The following ANXA6 variants were observed in gnomAD, a reference collection of about 807,000 sequenced individuals.
ANXA6 encodes the protein 67 kDa calelectrin.
A neutral mutation model predicts 95.4 loss-of-function variants in ANXA6; 71 were observed. That is an observed-to-expected ratio of 0.74 (90% CI 0.61 to 0.91). The LOEUF is 0.91. Ranked by LOEUF, ANXA6 falls within the 40% of genes least tolerant of loss-of-function variation. The pLI, the probability that ANXA6 is intolerant of heterozygous loss-of-function variation, is 0.00. For missense variants in ANXA6, 830 were observed against 876.4 expected (o/e 0.95, Z 0.67); for synonymous variants, 289 against 315.9 (o/e 0.91, Z 0.90).
chr5:151,151,351 A>T (rs1042284613), intron 1 of ANXA6: 1 of 152,212 alleles, frequency 6.6e-6, no homozygotes, highest in Non-Finnish European at 1.5e-5. Flanking sequence ...AAGGGCCCTT[A>T]ATAATCCATG....
At position 151,101,077 on chromosome 5, in the gene ANXA6, C is replaced by G; in HGVS notation, c.*371G>C. ...ATTCAACTGGCCCCTGCCACCAACC[C>G]CCTCATTCAAAGTACAGACACTACT... On this transcript the variant is annotated 3_prime_UTR_variant, in exon 26 of 26. Transcript: ENST00000354546. The G allele has an allele frequency of 2.1e-6, 1 of 484,978 alleles. No individual in the cohort carries two copies. Among genetic ancestry groups the G allele is most frequent in the Admixed American group, 2.3e-5 (1 of 43,182 alleles). The allele number at this position is 484,978 out of a possible 1,614,324, so 30.0% of individuals were successfully genotyped here. A position where few individuals can be genotyped will look rare whatever the true frequency, so the allele number is the denominator to read the frequency against.
chr5:151,113,961 C>T (rs958666120), intron 20 of ANXA6, among the ~76,000 whole-genome samples: 3 of 152,196 alleles, frequency 2.0e-5, no homozygotes, highest in Non-Finnish European at 2.9e-5. Flanking sequence ...ACGGATGACC[C>T]GTGAAAACAC....
At position 151,101,340 on chromosome 5, in the gene ANXA6, C is replaced by CCCCCCCCCCCCCCT; in HGVS notation, c.*107_*108insAGGGGGGGGGGGGG. On this transcript the variant is annotated 3_prime_UTR_variant, in exon 26 of 26. Transcript: ENST00000354546. The stretch of plus-strand genomic sequence containing the variant: ...TAAGAGCCCAACCCAACCCCTCCCC[C>CCCCCCCCCCCCCCT]CACCCCTGCCCCTTCCTTAGTCTCT... 1 of 384,246 alleles carries CCCCCCCCCCCCCCT rather than the reference C, an allele frequency of 2.6e-6. No individual in the cohort carries two copies. The allele number at this position is 384,246 out of a possible 1,614,324, so 23.8% of individuals were successfully genotyped here.
chr5:151,120,376 T>C (rs1176791515), intron 17 of ANXA6, among the ~76,000 whole-genome samples: 1 of 148,228 alleles, frequency 6.7e-6, no homozygotes, highest in Non-Finnish European at 1.5e-5. Flanking sequence ...AGACACCTAT[T>C]ATGTGCTAGC....
chr5:151,129,679 T>C, intron 11 of ANXA6, 150 bp from the exon 12 acceptor site: 1 of 846,416 alleles, frequency 1.2e-6, no homozygotes, highest in Non-Finnish European at 1.8e-6. Flanking sequence ...TGAAGCTCTC[T>C]CTATGCTCCT....
Position 151,150,117 on chromosome 5 carries a change from C to CA in ANXA6, c.-25-2192dup, listed in dbSNP as rs1180783863. Among the ~76,000 whole-genome samples, 683 of 103,228 alleles carry CA rather than the reference C, an allele frequency of 6.6e-3. 1 individual carries two copies. The highest frequency in any genetic ancestry group is 0.015 in the African/African-American group (416 of 27,796). The allele number at this position is 103,228 out of a possible 152,430, so 67.7% of individuals were successfully genotyped here. ...TAGGCAACAGAGTGAGACTCTGACT[C>CA]AAAAAAAAAAAAAAAAGTAAACATA... On this transcript the variant is annotated intron_variant, in intron 1 of 25. Transcript: ENST00000354546.
Position 151,101,017 on chromosome 5 carries a change from A to G in ANXA6, c.*431T>C, listed in dbSNP as rs554090976. The G allele has an allele frequency of 3.5e-5, 16 of 461,816 alleles. No individual in the cohort carries two copies. The highest frequency in any genetic ancestry group is 3.0e-4 in the African/African-American group (15 of 50,396). The allele number at this position is 461,816 out of a possible 1,614,324, so 28.6% of individuals were successfully genotyped here. On this transcript the variant is annotated 3_prime_UTR_variant, in exon 26 of 26. Coordinates refer to ENST00000354546, the MANE Select transcript of ANXA6 (RefSeq NM_001155.5). ...GGAAGATTTGTCAGTTTGCCCCAGC[A>G]CATTTACTATCCTTCCCACCACCCC...
At chr5:151,148,043 C>A in intron 1 of ANXA6, 117 bp from the exon 2 acceptor site, 1 of 989,558 alleles carries the variant, frequency 1.0e-6, no homozygotes, top group Non-Finnish European at 1.6e-6. Flanking sequence ...CAGGTTAAAT[C>A]AGACCCAATG....
intron 10 of ANXA6, among the ~76,000 whole-genome samples, chr5:151,131,594 G>A (rs1014924930): frequency 2.0e-5 from 3 of 152,182 alleles, no homozygotes; most frequent in Non-Finnish European, 2.9e-5. Flanking sequence ...GGTAGGGTCT[G>A]GGGCGAAGGA....
Position 151,129,461 on chromosome 5 carries a change from G to A in ANXA6, c.864C>T (p.Asp288=). 1.2e-6 allele frequency: 2 copies of A among 1,613,270 alleles called. No homozygotes were observed. Among genetic ancestry groups the A allele is most frequent in the Non-Finnish European group, 1.7e-6 (2 of 1,179,780 alleles). The change falls in exon 12 of 26, where the codon GAC becomes GAT. Residue 288 remains aspartate, a synonymous_variant. Coordinates refer to ENST00000354546, the MANE Select transcript of ANXA6 (RefSeq NM_001155.5). ...MVSRSELDML[D]IREIFRTKYE... ...ACTTGGTCCGGAAGATCTCCCGAATGTCGAGCATGTCCAACTCACTACGGG... is the reference window on the plus strand; with the variant it reads ...ACTTGGTCCGGAAGATCTCCCGAATATCGAGCATGTCCAACTCACTACGGG...
chr5:151,140,045 A>G, intron 3 of ANXA6, 108 bp downstream of exon 3: 1 of 798,154 alleles, frequency 1.3e-6, no homozygotes. Context: ...AAAAATGAAT[A>G]AGTGCACTTC....
chr5:151,143,331 A>G (rs1459704003), intron 2 of ANXA6, among the ~76,000 whole-genome samples: 3 of 152,158 alleles, frequency 2.0e-5, no homozygotes, highest in East Asian at 3.9e-4. Flanking sequence ...CTCCTTGAAT[A>G]CTGAAGCATT....
At chr5:151,136,407 C>T (rs1765664390) in intron 6 of ANXA6, 72 bp from the exon 7 acceptor site, 3 of 1,402,876 alleles carry the variant, frequency 2.1e-6, no homozygotes, top group Admixed American at 1.9e-5. Context: ...GGCCCTGCTG[C>T]CCCCAAAATG....
chr5:151,120,418 A>C (rs1306411624), intron 17 of ANXA6, among the ~76,000 whole-genome samples: 1 of 59,242 alleles, frequency 1.7e-5, no homozygotes, highest in Non-Finnish European at 3.5e-5. Flanking sequence ...TACAACTACA[A>C]AAAAAAAAAA....
intron 25 of ANXA6, 28 bp downstream of exon 25, chr5:151,103,542 C>T (rs372862557): frequency 1.4e-5 from 23 of 1,595,288 alleles, no homozygotes; most frequent in African/African-American, 2.7e-5. Context: ...TCACCCGCTT[C>T]CTGCTAACCT....
rs148912727 is a variant in ANXA6 at position 151,128,767 on chromosome 5, G to A, written c.919-528C>T. The stretch of plus-strand genomic sequence containing the variant: ...TTCAAAATGTGAAAGGCTGTGAGAA[G>A]TTCTGAGGTAAAGAAACTGGCTTAT... On this transcript the variant is annotated intron_variant, in intron 12 of 25. Transcript: ENST00000354546. 7.9e-5 allele frequency among the ~76,000 whole-genome samples: 12 copies of A among 152,374 alleles called. No homozygotes were observed. In the East Asian group the frequency reaches 2.3e-3, roughly 29 times the overall value.
chr5:151,129,350 C>T (rs1765424520), intron 12 of ANXA6, 57 bp downstream of exon 12: 1 of 1,602,856 alleles, frequency 6.2e-7, no homozygotes, highest in African/African-American at 1.3e-5. Flanking sequence ...TCCCCAAGCC[C>T]TCTGTCTTGG....
Position 151,101,330 on chromosome 5 carries a change from A to ACCCCCCCC in ANXA6, c.*117_*118insGGGGGGGG. 2.6e-6 allele frequency: 1 copy of ACCCCCCCC among 385,868 alleles called. No individual in the cohort carries two copies. Among genetic ancestry groups the ACCCCCCCC allele is most frequent in the Non-Finnish European group, 5.2e-6 (1 of 190,630 alleles). The allele number at this position is 385,868 out of a possible 1,614,324, so 23.9% of individuals were successfully genotyped here. On this transcript the variant is annotated 3_prime_UTR_variant, in exon 26 of 26. Coordinates refer to ENST00000354546, the MANE Select transcript of ANXA6 (RefSeq NM_001155.5). Reference sequence around the variant, plus strand: ...CCACTGAAGATAAGAGCCCAACCCAACCCCTCCCCCCACCCCTGCCCCTTC... The same window carrying ACCCCCCCC: ...CCACTGAAGATAAGAGCCCAACCCAACCCCCCCCCCCCTCCCCCCACCCCTGCCCCTTC...
intron 23 of ANXA6, 58 bp downstream of exon 23, chr5:151,108,397 A>C: frequency 6.7e-7 from 1 of 1,485,726 alleles, no homozygotes; most frequent in Non-Finnish European, 9.4e-7. Flanking sequence ...CTATTCTTCC[A>C]GAGAATCTGT....
Sources: allele counts gnomAD v4.1 joint callset (sites outside exome capture counted in the v4.1 genomes callset), GRCh38; gene constraint gnomAD v4.1.1; transcripts MANE v1.5; gene names NCBI Gene and HGNC (gene_info 2026-07-23, HGNC 2026-07-21).